SLC38A8: variants seen among roughly 807,000 people sequenced by gnomAD.
SLC38A8 encodes solute carrier family 38 member 8, also known as amino acid transporter SLC38A8.
Under a neutral mutation model 46.0 loss-of-function variants are expected in SLC38A8, and 65 were observed. The ratio of observed to expected loss-of-function variants is 1.41; its 90% CI spans 1.16 to 1.74. The LOEUF is 1.74. Among genes scored for constraint, SLC38A8 ranks in the 40% most tolerant of loss-of-function variants. The pLI, the probability that SLC38A8 is intolerant of heterozygous loss-of-function variation, is 0.00. For synonymous variants in SLC38A8, 447 were observed against 243.7 expected, an observed-to-expected ratio of 1.83 and a Z score of -7.77; for missense variants, 998 against 567.9, an observed-to-expected ratio of 1.76 and a Z score of -7.70.
intron 10 of SLC38A8, among the ~76,000 whole-genome samples, chr16:84,011,043 G>C (rs180775216): frequency 1.0e-3 from 157 of 152,314 alleles, no homozygotes; most frequent in African/African-American, 3.6e-3. Context: ...AGAGATATTT[G>C]TGGCCCCATT....
At chr16:84,023,913 C>T (rs142893706) in intron 6 of SLC38A8, among the ~76,000 whole-genome samples, 1 of 152,162 alleles carries the variant, frequency 6.6e-6, no homozygotes, top group African/African-American at 2.4e-5. Flanking sequence ...ACAAGCCGGG[C>T]AGCAGAGAAT....
chr16:84,026,751 G>T (rs1018055914), intron 6 of SLC38A8, among the ~76,000 whole-genome samples: 1 of 152,216 alleles, frequency 6.6e-6, no homozygotes, highest in African/African-American at 2.4e-5. Context: ...CTACAACATG[G>T]ATGAATCCCA....
intron 9 of SLC38A8, among the ~76,000 whole-genome samples, chr16:84,013,431 T>TTTTG (rs2084979958): frequency 8.2e-6 from 1 of 122,676 alleles, no homozygotes; most frequent in African/African-American, 3.4e-5. Flanking sequence ...TGTGTTTTTT[T>TTTTG]TTTTTTTTTT....
chr16:84,042,955 G>A (rs920101606), upstream of SLC38A8, among the ~76,000 whole-genome samples: 4 of 152,178 alleles, frequency 2.6e-5, no homozygotes, highest in Admixed American at 2.6e-4. Flanking sequence ...CAGGCACCAT[G>A]ATCTCATGGC....
At chr16:84,024,727 T>C (rs919345016) in intron 6 of SLC38A8, among the ~76,000 whole-genome samples, 15 of 151,882 alleles carry the variant, frequency 9.9e-5, no homozygotes, top group African/African-American at 3.1e-4. Flanking sequence ...TCTCGCTCTG[T>C]CACCCAGAAT....
intron 9 of SLC38A8, among the ~76,000 whole-genome samples, chr16:84,014,221 C>A (rs1361877385): frequency 6.6e-6 from 1 of 151,236 alleles, no homozygotes; most frequent in Non-Finnish European, 1.5e-5. Context: ...GCCACACCCT[C>A]ACCTCTGAAA....
chr16:84,009,907 T>G (rs1458660432), intron 10 of SLC38A8, 30 bp from the exon 11 acceptor site: 2 of 1,598,046 alleles, frequency 1.3e-6, no homozygotes, highest in Non-Finnish European at 1.7e-6. Flanking sequence ...ATGTCAGAGC[T>G]TTTCTGGATT....
At chr16:84,028,746 T>G (rs956950697) in intron 6 of SLC38A8, among the ~76,000 whole-genome samples, 1 of 135,214 alleles carries the variant, frequency 7.4e-6, no homozygotes, top group African/African-American at 2.7e-5. Context: ...TCTGCAGGTC[T>G]CTCTCCAGCT....
rs1270783480 is a variant in SLC38A8 at position 84,042,138 on chromosome 16, C to A, written c.20G>T (p.Gly7Val). MEGQTP[G>V]SRGLPEKPHP... ...AGGCTTTTCTGGAAGGCCCCTGCTTCCTGGGGTCTGTCCCTCCATGGCTAG... is the reference window on the plus strand; with the variant it reads ...AGGCTTTTCTGGAAGGCCCCTGCTTACTGGGGTCTGTCCCTCCATGGCTAG... The change falls in exon 2 of 11, where the codon GGA (glycine) becomes GTA (valine). Residue 7 changes from glycine to valine, a missense_variant. Coordinates refer to ENST00000299709, the MANE Select transcript of SLC38A8 (RefSeq NM_001080442.3). 5 of 1,612,810 alleles carry A rather than the reference C, an allele frequency of 3.1e-6. No homozygotes were observed. The highest frequency in any genetic ancestry group is 4.2e-6 in the Non-Finnish European group (5 of 1,179,466).
rs73240279 is a variant in SLC38A8 at position 84,019,364 on chromosome 16, G to A, written c.806-2077C>T. Reference sequence around the variant, plus strand: ...GCTGGGATTACAAGCATGAGCCACCGCACCCAGCCTCCAATATTTTTAACC... The same window carrying A: ...GCTGGGATTACAAGCATGAGCCACCACACCCAGCCTCCAATATTTTTAACC... On this transcript the variant is annotated intron_variant, in intron 7 of 10. Coordinates refer to ENST00000299709, the MANE Select transcript of SLC38A8 (RefSeq NM_001080442.3). Among the ~76,000 whole-genome samples, 814 of 152,094 alleles carry A rather than the reference G, an allele frequency of 5.4e-3. 7 individuals carry two copies. Among genetic ancestry groups the A allele is most frequent in the African/African-American group, 0.018 (743 of 41,474 alleles).
chr16:84,017,917 T>C (rs558486139), intron 7 of SLC38A8, among the ~76,000 whole-genome samples: 2 of 152,256 alleles, frequency 1.3e-5, no homozygotes, highest in South Asian at 4.1e-4. Context: ...TGATACTGAA[T>C]CACTGAGTCA....
intron 9 of SLC38A8, 69 bp downstream of exon 9, chr16:84,016,450 C>G (rs2085026294): frequency 2.6e-6 from 4 of 1,549,868 alleles, no homozygotes; most frequent in Non-Finnish European, 3.5e-6. Flanking sequence ...ACCTCCAACA[C>G]TGGGAGTCCC....
chr16:84,025,599 G>T (rs9940366), intron 6 of SLC38A8, among the ~76,000 whole-genome samples: 2 of 152,050 alleles, frequency 1.3e-5, no homozygotes, highest in African/African-American at 4.8e-5. Flanking sequence ...ACACTACAGG[G>T]CTTACCCACC....
intron 5 of SLC38A8, 82 bp downstream of exon 5, chr16:84,031,785 C>A: frequency 8.4e-7 from 1 of 1,188,250 alleles, no homozygotes; most frequent in Non-Finnish European, 1.2e-6. Context: ...CCACGAGAGG[C>A]TCCTCCTCCA....
intron 10 of SLC38A8, among the ~76,000 whole-genome samples, chr16:84,010,723 G>T (rs148190743): frequency 6.6e-6 from 1 of 152,178 alleles, no homozygotes; most frequent in African/African-American, 2.4e-5. Flanking sequence ...CAGCCTGGAG[G>T]ACAGAGCAAG....
chr16:84,019,199 T>C (rs1181240129), intron 7 of SLC38A8, among the ~76,000 whole-genome samples: 1 of 152,070 alleles, frequency 6.6e-6, no homozygotes, highest in Non-Finnish European at 1.5e-5. Flanking sequence ...CTCAGCCTCC[T>C]GAGTAGCCTG....
At position 84,013,069 on chromosome 16, in the gene SLC38A8, G is replaced by A. The variant is rs377031283; in HGVS notation, c.1163-17C>T. On this transcript the variant is annotated splice_polypyrimidine_tract_variant and intron_variant, in intron 9 of 10. Transcript: ENST00000299709. ...GGCACAAACCTGCAAAAAAGACAGG[G>A]TCACCCACAGTTCTTCGTTATCAAA... 10 of 1,613,834 alleles carry A rather than the reference G, an allele frequency of 6.2e-6. No homozygotes were observed. The highest frequency in any genetic ancestry group is 1.1e-5 in the South Asian group (1 of 91,072).
chr16:84,019,417 T>C (rs2085070297), intron 7 of SLC38A8, among the ~76,000 whole-genome samples: 1 of 152,178 alleles, frequency 6.6e-6, no homozygotes, highest in Non-Finnish European at 1.5e-5. Context: ...CAATTTGGCA[T>C]ACTGGCAGAT....
chr16:84,028,119 T>C lies in SLC38A8; in HGVS notation c.690+1375A>G, dbSNP rs189578396. Among the ~76,000 whole-genome samples, 332 of 151,816 alleles carry C rather than the reference T, an allele frequency of 2.2e-3. 3 individuals are homozygous for C. The highest frequency in any genetic ancestry group is 0.017 in the Admixed American group (264 of 15,232). ...GAAGAACAGAAGCAGAGCTCACTGATGGTCAAGGGAAGAGACGAGCTCAAT... is the reference window on the plus strand; with the variant it reads ...GAAGAACAGAAGCAGAGCTCACTGACGGTCAAGGGAAGAGACGAGCTCAAT... On this transcript the variant is annotated intron_variant, in intron 6 of 10. Coordinates refer to ENST00000299709, the MANE Select transcript of SLC38A8 (RefSeq NM_001080442.3).
Sources: gnomAD v4.1 joint callset for allele counts (sites outside exome capture counted in the v4.1 genomes callset) on GRCh38, gnomAD v4.1.1 for gene constraint, MANE v1.5 for transcripts, NCBI Gene and HGNC (gene_info 2026-07-23, HGNC 2026-07-21) for gene names.